The following PLCB1 variants were observed in gnomAD, a reference collection of about 807,000 sequenced individuals.
PLCB1 encodes 1-phosphatidylinositol 4,5-bisphosphate phosphodiesterase beta-1.
In PLCB1, 46 loss-of-function variants were observed where a neutral mutation model predicts 161.8. The ratio of observed to expected loss-of-function variants is 0.28; its 90% CI spans 0.22 to 0.36. PLCB1 has a LOEUF of 0.36. PLCB1 is among the 10% of genes least tolerant of loss of function. PLCB1 has a pLI of 1.00. For missense variants in PLCB1, 1,016 were observed against 1,472.5 expected (o/e 0.69, Z 5.07); for synonymous variants, 517 against 503.7 (o/e 1.03, Z -0.35).
At chr20:8,443,597 C>T (rs1600404386) in intron 3 of PLCB1, among the ~76,000 whole-genome samples, 1 of 152,316 alleles carries the variant, frequency 6.6e-6, no homozygotes, top group African/African-American at 2.4e-5. Context: ...CAGAAAGCTG[C>T]ATTATTCTGG....
At chr20:8,277,595 C>T (rs1222828247) in intron 2 of PLCB1, among the ~76,000 whole-genome samples, 1 of 152,106 alleles carries the variant, frequency 6.6e-6, no homozygotes, top group Non-Finnish European at 1.5e-5. Context: ...AACCCCAACC[C>T]AGACATACTG....
At chr20:8,681,676 C>T (rs1400547938) in intron 9 of PLCB1, among the ~76,000 whole-genome samples, 1 of 152,156 alleles carries the variant, frequency 6.6e-6, no homozygotes, top group Admixed American at 6.5e-5. Flanking sequence ...TTCCTGGCCC[C>T]TGAAGATACT....
In PLCB1 at chr20:8,644,508, G is replaced by C. The variant is rs1281355247; in HGVS notation, c.385-1594G>C. Among the ~76,000 whole-genome samples, 341 of 148,388 alleles carry C rather than the reference G, an allele frequency of 2.3e-3. 1 individual carries two copies. Among genetic ancestry groups the C allele is most frequent in the African/African-American group, 8.2e-3 (328 of 40,086 alleles). ...CGCGACCCCGTCTGGGAGGTGAGGA[G>C]CGTCTCTGCCCGGCCGCCCCGTCTG... On this transcript the variant is annotated intron_variant, in intron 4 of 31. Coordinates refer to ENST00000338037, the MANE Select transcript of PLCB1 (RefSeq NM_015192.4).
intron 2 of PLCB1, among the ~76,000 whole-genome samples, chr20:8,295,615 T>C (rs1322315882): frequency 6.6e-6 from 1 of 152,178 alleles, no homozygotes; most frequent in East Asian, 1.9e-4. Context: ...TAGATTGATC[T>C]ATAGCCAAAA....
chr20:8,829,579 A>G (rs965734892), intron 31 of PLCB1, among the ~76,000 whole-genome samples: 3 of 152,248 alleles, frequency 2.0e-5, no homozygotes, highest in Non-Finnish European at 2.9e-5. Flanking sequence ...TCACTGCTTC[A>G]GTACAGAATG....
intron 2 of PLCB1, among the ~76,000 whole-genome samples, chr20:8,182,767 GAC>G (rs1279839805): frequency 4.0e-5 from 6 of 151,796 alleles, no homozygotes; most frequent in Admixed American, 3.9e-4. Context: ...TTTTAGTAGA[GAC>G]AGTGTTTCAC....
chr20:8,338,101 C>A (rs530202743), intron 2 of PLCB1, among the ~76,000 whole-genome samples: 1 of 152,120 alleles, frequency 6.6e-6, no homozygotes, highest in East Asian at 1.9e-4. Context: ...GCGGTACTTC[C>A]GGACTGATTC....
intron 3 of PLCB1, 170 bp downstream of exon 3, chr20:8,371,620 A>G: frequency 4.1e-6 from 2 of 488,854 alleles, no homozygotes; most frequent in Non-Finnish European, 7.3e-6. Context: ...GAAACAATGA[A>G]CAAATATGTG....
intron 26 of PLCB1, among the ~76,000 whole-genome samples, chr20:8,768,129 A>G (rs1383098400): frequency 2.0e-5 from 3 of 152,216 alleles, no homozygotes; most frequent in Non-Finnish European, 4.4e-5. Flanking sequence ...AGATGGTGCC[A>G]CTGCACTCCA....
intron 23 of PLCB1, among the ~76,000 whole-genome samples, chr20:8,754,341 C>T (rs1382071069): frequency 9.9e-5 from 15 of 151,338 alleles, no homozygotes; most frequent in Admixed American, 3.9e-4. Flanking sequence ...CTTGTTGGAT[C>T]CAGTTTGAAT....
intron 4 of PLCB1, among the ~76,000 whole-genome samples, chr20:8,637,993 ACC>A (rs1226851986): frequency 6.6e-6 from 1 of 151,952 alleles, no homozygotes; most frequent in East Asian, 1.9e-4. Flanking sequence ...TCCTGGGCTC[ACC>A]CGCCATTCTC....
At chr20:8,668,118 T>G in intron 9 of PLCB1, among the ~76,000 whole-genome samples, 1 of 148,592 alleles carries the variant, frequency 6.7e-6, no homozygotes, top group South Asian at 2.1e-4. Flanking sequence ...AACAGATAAG[T>G]GGGAGGGAAA....
intron 26 of PLCB1, among the ~76,000 whole-genome samples, chr20:8,769,147 G>A (rs1319170571): frequency 6.6e-6 from 1 of 152,022 alleles, no homozygotes; most frequent in African/African-American, 2.4e-5. Flanking sequence ...CTTCCTCAGG[G>A]CTTATTTAGC....
chr20:8,649,666 C>T, intron 7 of PLCB1: 3 of 542,166 alleles, frequency 5.5e-6, no homozygotes, highest in Non-Finnish European at 9.9e-6. Context: ...CATGTTCTTC[C>T]CCCTCACCAT....
chr20:8,312,921 T>C (rs1207013280), intron 2 of PLCB1, among the ~76,000 whole-genome samples: 1 of 152,174 alleles, frequency 6.6e-6, no homozygotes, highest in Non-Finnish European at 1.5e-5. Context: ...CTTTTCAAAA[T>C]ATTTGGCATT....
At chr20:8,374,225 G>A (rs140355885) in intron 3 of PLCB1, among the ~76,000 whole-genome samples, 64 of 152,208 alleles carry the variant, frequency 4.2e-4, no homozygotes, top group African/African-American at 1.3e-3. Context: ...GAGTTCTCAC[G>A]AGATCTGATG....
chr20:8,367,236 T>C lies in PLCB1; in HGVS notation c.178-4146T>C, dbSNP rs143430780. The stretch of plus-strand genomic sequence containing the variant: ...AGATTCTTCATATTAACAAAAGTAA[T>C]GTATTGCTTTATCAATGATATTCAC... On this transcript the variant is annotated intron_variant, in intron 2 of 31. Transcript: ENST00000338037. Among the ~76,000 whole-genome samples, 749 of 152,362 alleles carry C rather than the reference T, an allele frequency of 4.9e-3. 4 individuals carry two copies. The highest frequency in any genetic ancestry group is 8.7e-3 in the Non-Finnish European group (593 of 68,044).
chr20:8,822,661 G>T (rs112978818), intron 31 of PLCB1, among the ~76,000 whole-genome samples: 13 of 152,264 alleles, frequency 8.5e-5, no homozygotes, highest in African/African-American at 3.1e-4. Flanking sequence ...CAAAACACAA[G>T]TCCCTGGATT....
chr20:8,160,857 A>C (rs2123050201), intron 2 of PLCB1, among the ~76,000 whole-genome samples: 1 of 152,334 alleles, frequency 6.6e-6, no homozygotes, highest in African/African-American at 2.4e-5. Flanking sequence ...TAAAATAAAT[A>C]ATATAATTAC....
Sources: allele counts gnomAD v4.1 joint callset (sites outside exome capture counted in the v4.1 genomes callset), GRCh38; gene constraint gnomAD v4.1.1; transcripts MANE v1.5; gene names NCBI Gene and HGNC (gene_info 2026-07-23, HGNC 2026-07-21).